VEGFD: variants seen among roughly 807,000 people sequenced by gnomAD.
The protein encoded by VEGFD is vascular endothelial growth factor D.
A neutral mutation model predicts 28.0 loss-of-function variants in VEGFD; 26 were observed. The ratio of observed to expected loss-of-function variants is 0.93; its 90% CI spans 0.68 to 1.29. The LOEUF (loss-of-function observed/expected upper bound fraction) is 1.29, where lower values mean the gene tolerates loss of function less well. VEGFD is among the 50% of genes most tolerant of loss of function. The pLI is 0.00. For missense variants in VEGFD, 294 were observed against 273.4 expected (o/e 1.08, Z -0.53); for synonymous variants, 93 against 95.5 (o/e 0.97, Z 0.15).
At chrX:15,377,842 T>TCCCCATG (rs1396010749) in intron 1 of VEGFD, among the ~76,000 whole-genome samples, 2 of 111,503 alleles carry the variant, frequency 1.8e-5, no homozygotes, top group Non-Finnish European at 3.8e-5. Flanking sequence ...GCCAGCTTCA[T>TCCCCATG]CCCCATGTGG....
At chrX:15,355,414 G>A in intron 3 of VEGFD, 116 bp from the exon 4 acceptor site, 1 of 558,908 alleles carries the variant, frequency 1.8e-6, no homozygotes, top group Non-Finnish European at 2.6e-6. Flanking sequence ...TAGCCAAGTT[G>A]TCCATTAAGA....
chrX:15,380,892 T>A (rs1441947320), intron 1 of VEGFD, among the ~76,000 whole-genome samples: 1 of 112,603 alleles, frequency 8.9e-6, no homozygotes. Flanking sequence ...CAACTGTATA[T>A]GACTGTCTGA....
chrX:15,373,806 A>G (rs768326518), intron 1 of VEGFD, among the ~76,000 whole-genome samples: 1 of 111,307 alleles, frequency 9.0e-6, no homozygotes, highest in Admixed American at 9.6e-5. Flanking sequence ...CTGGAAGAGC[A>G]TTTTGCATTT....
chrX:15,365,295 G>T (rs1377981329), intron 1 of VEGFD, among the ~76,000 whole-genome samples: 1 of 111,124 alleles, frequency 9.0e-6, no homozygotes, highest in East Asian at 2.8e-4. Flanking sequence ...ACCATGCCCG[G>T]CTAATTTTTG....
intron 1 of VEGFD, among the ~76,000 whole-genome samples, chrX:15,369,967 G>A (rs1923267900): frequency 1.8e-5 from 2 of 111,903 alleles, no homozygotes; most frequent in African/African-American, 6.5e-5. Context: ...TTGCTCTTTC[G>A]TTCATTTCTT....
intron 1 of VEGFD, among the ~76,000 whole-genome samples, chrX:15,368,061 G>GAA (rs781503408): frequency 1.4e-5 from 1 of 73,684 alleles, no homozygotes; most frequent in African/African-American, 5.4e-5. Flanking sequence ...AAGAAAGAAA[G>GAA]GAAAGAAAGA....
chrX:15,359,553 C>T (rs1922957686), intron 2 of VEGFD, among the ~76,000 whole-genome samples: 2 of 108,742 alleles, frequency 1.8e-5, no homozygotes. Context: ...TTGCCCCCCA[C>T]CCACCAACAG....
At chrX:15,377,008 A>G (rs1383137476) in intron 1 of VEGFD, among the ~76,000 whole-genome samples, 2 of 112,019 alleles carry the variant, frequency 1.8e-5, no homozygotes, top group African/African-American at 6.5e-5. Flanking sequence ...CCAATATGTG[A>G]GTGTTATAGT....
At chrX:15,370,325 T>C (rs749728609) in intron 1 of VEGFD, among the ~76,000 whole-genome samples, 1 of 112,358 alleles carries the variant, frequency 8.9e-6, no homozygotes, top group East Asian at 2.8e-4. Flanking sequence ...CACCAAAAGC[T>C]ATAGAAAAAG....
At chrX:15,365,995 A>AGTTTGTTTGTTTGTTTGTTTGTTT (rs569822664) in intron 1 of VEGFD, among the ~76,000 whole-genome samples, 2 of 109,131 alleles carry the variant, frequency 1.8e-5, no homozygotes, top group African/African-American at 6.8e-5. Context: ...TATTCTTCCT[A>AGTTTGTTTGTTTGTTTGTTTGTTT]GTTTGTTTGT....
chrX:15,351,841 GAT>G lies in VEGFD; in HGVS notation c.742+1225_742+1226del, dbSNP rs1446896157. On this transcript the variant is annotated intron_variant, in intron 5 of 6. Transcript: ENST00000297904. ...GATTGGATTAAATAAAATATATTAA[GAT>G]AAATTTCACTTGTTTCTTTTTATCT... 3.6e-5 allele frequency among the ~76,000 whole-genome samples: 4 copies of G among 112,577 alleles called. No individual in the cohort carries two copies. The East Asian group carries it at 1.1e-3, about 31-fold the overall frequency.
intron 3 of VEGFD, 26 bp downstream of exon 3, chrX:15,357,977 C>A: frequency 8.4e-7 from 1 of 1,184,159 alleles, no homozygotes; most frequent in Non-Finnish European, 1.1e-6. Flanking sequence ...GCTTTAGAGA[C>A]GGCAGGCTTG....
intron 1 of VEGFD, among the ~76,000 whole-genome samples, chrX:15,375,855 C>T (rs987699512): frequency 9.9e-5 from 11 of 111,472 alleles, no homozygotes; most frequent in Non-Finnish European, 1.7e-4. Flanking sequence ...CCAGCCAGAT[C>T]ATCTAGCACT....
chrX:15,376,745 C>A (rs187005192), intron 1 of VEGFD, among the ~76,000 whole-genome samples: 1 of 111,994 alleles, frequency 8.9e-6, no homozygotes, highest in Non-Finnish European at 1.9e-5. Flanking sequence ...TGACAATGTA[C>A]TTATAAACGA....
chrX:15,369,249 C>G (rs1177973925), intron 1 of VEGFD, among the ~76,000 whole-genome samples: 1 of 111,138 alleles, frequency 9.0e-6, no homozygotes, highest in Non-Finnish European at 1.9e-5. Flanking sequence ...TTTCATCTCT[C>G]AATTTCCAGC....
At chrX:15,370,887 T>C (rs1305712573) in intron 1 of VEGFD, among the ~76,000 whole-genome samples, 1 of 109,691 alleles carries the variant, frequency 9.1e-6, no homozygotes, top group Non-Finnish European at 1.9e-5. Flanking sequence ...GGGGTCTGCA[T>C]GGAAATTGTG....
At chrX:15,349,041 C>T (rs1428379922) in intron 5 of VEGFD, among the ~76,000 whole-genome samples, 2 of 112,235 alleles carry the variant, frequency 1.8e-5, no homozygotes, top group Non-Finnish European at 1.9e-5. Flanking sequence ...CTGTAATGCA[C>T]GACGTTTGAG....
intron 1 of VEGFD, among the ~76,000 whole-genome samples, chrX:15,368,054 A>AAAGAAAGAAAG (rs1923209838): frequency 2.9e-5 from 3 of 103,965 alleles, no homozygotes; most frequent in Non-Finnish European, 5.8e-5. Flanking sequence ...AAGAAAGAAG[A>AAAGAAAGAAAG]AAGAAAGGAA....
At chrX:15,359,259 T>C (rs1322327287) in intron 2 of VEGFD, among the ~76,000 whole-genome samples, 1 of 110,136 alleles carries the variant, frequency 9.1e-6, no homozygotes, top group East Asian at 2.8e-4. Context: ...TTAAAAAAGA[T>C]TGCAGTCTTG....
Sources: allele counts gnomAD v4.1 joint callset (sites outside exome capture counted in the v4.1 genomes callset), GRCh38; gene constraint gnomAD v4.1.1; transcripts MANE v1.5; gene names NCBI Gene and HGNC (gene_info 2026-07-23, HGNC 2026-07-21).